CCDC85A: variants seen among roughly 807,000 people sequenced by gnomAD.
CCDC85A encodes coiled-coil domain containing 85A, also known as coiled-coil domain-containing protein 85A.
Under a neutral mutation model 50.2 loss-of-function variants are expected in CCDC85A, and 38 were observed. The observed-to-expected ratio is 0.76, with a 90% CI of 0.58 to 0.99. The LOEUF is 0.99. Ranked by LOEUF, CCDC85A falls within the 50% of genes least tolerant of loss-of-function variation. The probability of loss-of-function intolerance (pLI) is 0.00; values close to 1 mark genes in which losing one functional copy is unlikely to be tolerated. For synonymous variants in CCDC85A, 366 were observed against 301.4 expected (o/e 1.21, Z -2.22); for missense variants, 820 against 742.0 (o/e 1.11, Z -1.22).
rs1473345267 is a variant in CCDC85A, at chr2:56,192,033, T to C, written c.277-444T>C. Among the ~76,000 whole-genome samples the C allele has an allele frequency of 6.6e-6, 1 of 152,180 alleles. No homozygotes were observed. Among genetic ancestry groups the C allele is most frequent in the African/African-American group, 2.4e-5 (1 of 41,458 alleles). ...TCTTGATAATGAACTGGTTGCTCCC[T>C]AACTACTGACCAGATGAACTTGGAC... On this transcript the variant is annotated intron_variant, in intron 1 of 5. Coordinates refer to ENST00000407595, the MANE Select transcript of CCDC85A (RefSeq NM_001080433.2). The surrounding 1 kb of genome is among the most constrained non-coding windows in gnomAD (Gnocchi z 4.7).
intron 2 of CCDC85A, among the ~76,000 whole-genome samples, chr2:56,258,217 G>A (rs1259680336): frequency 6.6e-6 from 1 of 152,190 alleles, no homozygotes; most frequent in East Asian, 1.9e-4. Context: ...AGAAGATGAA[G>A]AAGAATGAAG....
chr2:56,371,432 T>G (rs891596327), intron 3 of CCDC85A, among the ~76,000 whole-genome samples: 1 of 152,164 alleles, frequency 6.6e-6, no homozygotes, highest in Non-Finnish European at 1.5e-5. Flanking sequence ...GTTCTTATTT[T>G]CAGTCTTCTA....
chr2:56,358,727 C>T (rs576256330), intron 3 of CCDC85A, among the ~76,000 whole-genome samples: 2 of 152,076 alleles, frequency 1.3e-5, no homozygotes, highest in Non-Finnish European at 2.9e-5. Context: ...CCCTGCTTTA[C>T]ACTAAAATAA....
intron 2 of CCDC85A, among the ~76,000 whole-genome samples, chr2:56,339,228 A>T (rs926823095): frequency 6.6e-6 from 1 of 152,216 alleles, no homozygotes; most frequent in Non-Finnish European, 1.5e-5. Context: ...CTTTGCCTTC[A>T]CTGTAAAGCC....
chr2:56,199,126 A>G (rs1235893272), intron 2 of CCDC85A, among the ~76,000 whole-genome samples: 1 of 152,248 alleles, frequency 6.6e-6, no homozygotes, highest in Non-Finnish European at 1.5e-5. Flanking sequence ...GAAATTGGTT[A>G]GAACAAAGGT....
intron 2 of CCDC85A, among the ~76,000 whole-genome samples, chr2:56,322,798 AT>A (rs1464494988): frequency 6.6e-6 from 1 of 152,190 alleles, no homozygotes; most frequent in Admixed American, 6.6e-5. Context: ...TACTGGGCAT[AT>A]ACCCAAAGGA....
intron 3 of CCDC85A, among the ~76,000 whole-genome samples, chr2:56,353,716 TC>T (rs1675080281): frequency 6.6e-6 from 1 of 152,228 alleles, no homozygotes; most frequent in South Asian, 2.1e-4. Context: ...ACTGCCATGT[TC>T]TCTATGATAC....
At position 56,322,462 on chromosome 2, in the gene CCDC85A, C is replaced by A. The variant is rs572953078; in HGVS notation, c.1241-20417C>A. Among the ~76,000 whole-genome samples the A allele has an allele frequency of 5.3e-5, 8 of 152,258 alleles. No individual in the cohort carries two copies. The South Asian group carries it at 1.7e-3, about 32-fold the overall frequency. ...AGATTTACAAGAAAAAATCAAACAA[C>A]CCCATTAAAAAGTGGGTGATGGATA... On this transcript the variant is annotated intron_variant, in intron 2 of 5. Transcript: ENST00000407595.
At chr2:56,218,292 A>C (rs1668173402) in intron 2 of CCDC85A, among the ~76,000 whole-genome samples, 1 of 151,866 alleles carries the variant, frequency 6.6e-6, no homozygotes, top group Non-Finnish European at 1.5e-5. Flanking sequence ...TATGTAAAAG[A>C]AAGAATAAGT....
chr2:56,229,691 A>G (rs1573061739), intron 2 of CCDC85A, among the ~76,000 whole-genome samples: 1 of 152,308 alleles, frequency 6.6e-6, no homozygotes, highest in East Asian at 1.9e-4. Flanking sequence ...TAATAGAACC[A>G]TATTGAAGCA....
At chr2:56,214,253 G>A (rs745695501) in intron 2 of CCDC85A, among the ~76,000 whole-genome samples, 16 of 151,862 alleles carry the variant, frequency 1.1e-4, no homozygotes, top group Admixed American at 9.9e-4. Context: ...TGTAAGAAGA[G>A]GATGGTAATA....
intron 2 of CCDC85A, among the ~76,000 whole-genome samples, chr2:56,239,786 T>A (rs1669176543): frequency 6.6e-6 from 1 of 152,162 alleles, no homozygotes; most frequent in South Asian, 2.1e-4. Context: ...TGGCAGTTAC[T>A]GGAGAGATGA....
chr2:56,366,241 A>C (rs1675787822), intron 3 of CCDC85A, among the ~76,000 whole-genome samples: 1 of 152,146 alleles, frequency 6.6e-6, no homozygotes, highest in Non-Finnish European at 1.5e-5. Context: ...TCTCTTTGAC[A>C]TACTGATTTT....
chr2:56,295,312 G>A (rs895558103), intron 2 of CCDC85A, among the ~76,000 whole-genome samples: 2 of 152,010 alleles, frequency 1.3e-5, no homozygotes, highest in Non-Finnish European at 2.9e-5. Context: ...TTTATAGCAG[G>A]GTTTTTATTC....
chr2:56,367,834 T>C lies in CCDC85A; in HGVS notation c.1318-4510T>C, dbSNP rs138501888. Among the ~76,000 whole-genome samples the C allele has an allele frequency of 7.1e-3, 1,088 of 152,276 alleles. 12 individuals carry two copies. Among genetic ancestry groups the C allele is most frequent in the African/African-American group, 0.025 (1,055 of 41,542 alleles). On this transcript the variant is annotated intron_variant, in intron 3 of 5. Coordinates refer to ENST00000407595, the MANE Select transcript of CCDC85A (RefSeq NM_001080433.2). ...ACAGCAAATGCTTATAGAGCACTTA[T>C]GTGGGCCAGACACTGTTTTAAAAGC...
intron 2 of CCDC85A, among the ~76,000 whole-genome samples, chr2:56,239,564 T>C (rs1669166581): frequency 6.6e-6 from 1 of 152,134 alleles, no homozygotes; most frequent in Non-Finnish European, 1.5e-5. Flanking sequence ...AGGCACACTA[T>C]TTACTTGGGA....
intron 2 of CCDC85A, among the ~76,000 whole-genome samples, chr2:56,207,592 A>G (rs1002758966): frequency 1.3e-5 from 2 of 152,176 alleles, no homozygotes; most frequent in African/African-American, 4.8e-5. Flanking sequence ...GTGTTGTGAA[A>G]AACATACAGT....
intron 2 of CCDC85A, among the ~76,000 whole-genome samples, chr2:56,242,484 C>T (rs1367292970): frequency 1.3e-5 from 2 of 151,990 alleles, no homozygotes; most frequent in Non-Finnish European, 2.9e-5. Flanking sequence ...GGAGATGCTC[C>T]ACACTTTTAC....
intron 2 of CCDC85A, among the ~76,000 whole-genome samples, chr2:56,292,689 T>C (rs905247298): frequency 2.6e-5 from 4 of 152,208 alleles, no homozygotes; most frequent in Non-Finnish European, 5.9e-5. Context: ...TGGCTTACAC[T>C]GGGACATGAG....
Sources: allele counts gnomAD v4.1 joint callset (sites outside exome capture counted in the v4.1 genomes callset), GRCh38; gene constraint gnomAD v4.1.1; non-coding constraint Gnocchi (gnomAD v3.1); transcripts MANE v1.5; gene names NCBI Gene and HGNC (gene_info 2026-07-23, HGNC 2026-07-21).